The following NFS1 variants were observed in gnomAD, a reference collection of about 807,000 sequenced individuals.
NFS1 encodes NFS1 cysteine desulfurase.
NFS1 carries 26 observed loss-of-function variants against 57.3 expected under a neutral mutation model. That is an observed-to-expected ratio of 0.45 (90% CI 0.33 to 0.63). NFS1 has a LOEUF of 0.63. Ranked by LOEUF, NFS1 falls within the 20% of genes least tolerant of loss-of-function variation. The pLI is 0.02. For missense variants in NFS1, 505 were observed against 605.8 expected (o/e 0.83, Z 1.75); for synonymous variants, 209 against 216.3 (o/e 0.97, Z 0.30).
chr20:35,692,935 G>C (rs1328338819), intron 4 of NFS1, among the ~76,000 whole-genome samples: 3 of 151,286 alleles, frequency 2.0e-5, no homozygotes, highest in Non-Finnish European at 2.9e-5. Flanking sequence ...CCTGGAGGCA[G>C]AAGTTGTAGT....
At chr20:35,683,551 C>G (rs1455771434) in intron 5 of NFS1, among the ~76,000 whole-genome samples, 1 of 151,352 alleles carries the variant, frequency 6.6e-6, no homozygotes, top group Non-Finnish European at 1.5e-5. Context: ...GAGGCTGAGG[C>G]GGGCGTATCA....
rs888084720 is a variant in NFS1 at position 35,676,810 on chromosome 20, A to G, written c.791-1608T>C. Among the ~76,000 whole-genome samples the G allele has an allele frequency of 4.0e-5, 6 of 149,256 alleles. No homozygotes were observed. In the East Asian group the frequency reaches 7.8e-4, roughly 19 times the overall value. ...ACCAAGAAAGAAATTACCTCCCCAGAAGGGAACTGCATAGCTGGAGGTCAG... is the reference window on the plus strand; with the variant it reads ...ACCAAGAAAGAAATTACCTCCCCAGGAGGGAACTGCATAGCTGGAGGTCAG... On this transcript the variant is annotated intron_variant, in intron 7 of 12. Transcript: ENST00000374092.
At chr20:35,694,099 T>C (rs2035088679) in intron 4 of NFS1, among the ~76,000 whole-genome samples, 1 of 151,978 alleles carries the variant, frequency 6.6e-6, no homozygotes, top group Admixed American at 6.6e-5. Flanking sequence ...TGAGCTGTGA[T>C]TGTGCAACTG....
At position 35,669,660 on chromosome 20, in the gene NFS1, CA is replaced by C; in HGVS notation, c.1335del (p.Asp445GlufsTer19). 1 of 1,614,158 alleles carries C rather than the reference CA, an allele frequency of 6.2e-7. No homozygotes were observed. ...EMSPLWEMVQ[D>X]GIDLKSIKWT... ...CACTTGATGCTCTTGAGGTCAATGC[CA>C]TCCTGAACCATCTCCCAGAGAGGGC... is the stretch of plus-strand genomic sequence containing the variant. On this transcript the variant is annotated frameshift_variant, in exon 13 of 13. Transcript: ENST00000374092. LOFTEE classifies it high-confidence loss of function.
At chr20:35,682,086 T>C (rs776555264) in intron 5 of NFS1, 105 bp from the exon 6 acceptor site, 1 of 558,166 alleles carries the variant, frequency 1.8e-6, no homozygotes, top group South Asian at 2.2e-5. Flanking sequence ...ACTACATACC[T>C]ATCTGAATAG....
In NFS1 at chr20:35,698,522, G is replaced by C. The variant is rs141257298; in HGVS notation, c.166C>G (p.Leu56Val). ...TAAAPEVGPVLRPLYMDVQAT... is the reference protein window; with the variant it reads ...TAAAPEVGPVVRPLYMDVQAT... ...TGCACATCCATATAGAGAGGTCGCA[G>C]CACTGGCCCCACCTCCGGGGCAGCG... is the stretch of plus-strand genomic sequence containing the variant. Residue 56 changes from leucine to valine, a missense_variant, in exon 2 of 13, where the codon CTG becomes GTG. Transcript: ENST00000374092. 6.2e-7 allele frequency: 1 copy of C among 1,613,890 alleles called. No individual in the cohort carries two copies. Among genetic ancestry groups the C allele is most frequent in the Non-Finnish European group, 8.5e-7 (1 of 1,179,890 alleles).
At chr20:35,680,373 A>T in intron 7 of NFS1, among the ~76,000 whole-genome samples, 1 of 152,122 alleles carries the variant, frequency 6.6e-6, no homozygotes. Flanking sequence ...ATAGCAAGAC[A>T]CTGGGAATGA....
chr20:35,684,339 C>T (rs1453240604), intron 5 of NFS1, among the ~76,000 whole-genome samples: 1 of 151,340 alleles, frequency 6.6e-6, no homozygotes, highest in African/African-American at 2.4e-5. Context: ...ACCTGGGAGG[C>T]GGAGGTTGCA....
chr20:35,697,900 C>A (rs2035166425), intron 2 of NFS1, 100 bp from the exon 3 acceptor site: 3 of 730,552 alleles, frequency 4.1e-6, no homozygotes, highest in Non-Finnish European at 7.1e-6. Context: ...ACACTCTCAA[C>A]CCCTCAGGCA....
At position 35,668,476 on chromosome 20, in the gene NFS1, G is replaced by A. The variant is rs896812475; in HGVS notation, c.*1146C>T. 2 of 152,082 alleles carry A rather than the reference G, an allele frequency of 1.3e-5. No individual in the cohort carries two copies. Among genetic ancestry groups the A allele is most frequent in the Non-Finnish European group, 2.9e-5 (2 of 68,018 alleles). 9.4% of individuals were successfully genotyped at this position (152,082 alleles called of 1,614,324 possible). A position where few individuals can be genotyped will look rare whatever the true frequency, so the allele number is the denominator to read the frequency against. ...ACAAATGAAAAGCTCTAGTTACAAT[G>A]GCCTTCTCTTGGTTTCTAAAGTATA... On this transcript the variant is annotated 3_prime_UTR_variant, in exon 13 of 13. Transcript: ENST00000374092.
At chr20:35,674,134 G>T in intron 10 of NFS1, 1 of 559,000 alleles carries the variant, frequency 1.8e-6, no homozygotes, top group Non-Finnish European at 3.2e-6. Context: ...ACGATAAAAG[G>T]CACAAAATTC....
chr20:35,686,074 C>A (rs1246698762), intron 5 of NFS1, among the ~76,000 whole-genome samples: 1 of 150,892 alleles, frequency 6.6e-6, no homozygotes. Flanking sequence ...GGATTACAGG[C>A]GCCCTCAACC....
At chr20:35,697,373 T>C (rs575587724) in intron 3 of NFS1, among the ~76,000 whole-genome samples, 5 of 151,876 alleles carry the variant, frequency 3.3e-5, no homozygotes, top group Non-Finnish European at 7.4e-5. Context: ...GTTGTGGTAA[T>C]AAACACTTTA....
At chr20:35,680,932 A>G in intron 6 of NFS1, 61 bp from the exon 7 acceptor site, 3 of 1,350,546 alleles carry the variant, frequency 2.2e-6, no homozygotes, top group Middle Eastern at 4.3e-4. Flanking sequence ...TCAGAGTCCC[A>G]CAGTGCACTG....
chr20:35,698,703 G>GCTA (rs2035186604), intron 1 of NFS1, 113 bp from the exon 2 acceptor site: 1 of 1,432,808 alleles, frequency 7.0e-7, no homozygotes, highest in Admixed American at 3.0e-5. Context: ...TGTAAGGGAT[G>GCTA]CTAGGGTCGA....
chr20:35,683,379 G>A (rs1034146472), intron 5 of NFS1, among the ~76,000 whole-genome samples: 4 of 151,918 alleles, frequency 2.6e-5, no homozygotes, highest in Non-Finnish European at 5.9e-5. Flanking sequence ...CTACTTGAGA[G>A]GCTGAGGCAG....
chr20:35,678,133 A>G (rs2034786109), intron 7 of NFS1, among the ~76,000 whole-genome samples: 1 of 151,176 alleles, frequency 6.6e-6, no homozygotes, highest in Non-Finnish European at 1.5e-5. Context: ...GCAGATCATG[A>G]GGTCAGGAGA....
chr20:35,672,956 C>T (rs1161570727), intron 11 of NFS1, 112 bp from the exon 12 acceptor site: 7 of 662,216 alleles, frequency 1.1e-5, no homozygotes, highest in African/African-American at 9.2e-5. Flanking sequence ...GAGAGAAGAA[C>T]ATGGTCCTTC....
intron 3 of NFS1, 46 bp from the exon 4 acceptor site, chr20:35,696,506 G>C (rs769580961): frequency 6.9e-6 from 10 of 1,450,484 alleles, no homozygotes; most frequent in African/African-American, 1.4e-5. Context: ...TCCCCAGGCA[G>C]AAATAGAGCT....
Sources: allele counts gnomAD v4.1 joint callset (sites outside exome capture counted in the v4.1 genomes callset), GRCh38; gene constraint gnomAD v4.1.1; transcripts MANE v1.5; gene names NCBI Gene and HGNC (gene_info 2026-07-23, HGNC 2026-07-21).